The following PTPRN2 variants were observed in gnomAD, a reference collection of about 807,000 sequenced individuals.
PTPRN2 encodes the protein protein tyrosine phosphatase receptor type N2.
Under a neutral mutation model 118.8 loss-of-function variants are expected in PTPRN2, and 74 were observed. The ratio of observed to expected loss-of-function variants is 0.62; its 90% confidence interval spans 0.52 to 0.76. PTPRN2 has a LOEUF of 0.76. PTPRN2 is among the 30% of genes least tolerant of loss of function. The probability of loss-of-function intolerance (pLI) is 0.00; values close to 1 mark genes in which losing one functional copy is unlikely to be tolerated. For missense variants in PTPRN2, 1,481 were observed against 1,394.4 expected (o/e 1.06, Z -0.99); for synonymous variants, 641 against 608.0 (o/e 1.05, Z -0.80).
intron 3 of PTPRN2, among the ~76,000 whole-genome samples, chr7:158,273,511 GACAGACATGGGAGGA>G (rs1798673783): frequency 7.5e-6 from 1 of 133,982 alleles, no homozygotes; most frequent in Non-Finnish European, 1.6e-5. Flanking sequence ...GGGAGCCGCA[GACAGACATGGGAGGA>G]GCCGCAGACA....
intron 13 of PTPRN2, among the ~76,000 whole-genome samples, chr7:157,657,424 T>C (rs1212440272): frequency 6.2e-5 from 4 of 64,226 alleles, no homozygotes; most frequent in East Asian, 5.4e-4. Context: ...TACACACACA[T>C]ACGCCACACA....
intron 2 of PTPRN2, among the ~76,000 whole-genome samples, chr7:158,381,971 G>A (rs1397917718): frequency 6.6e-6 from 1 of 152,058 alleles, no homozygotes; most frequent in Non-Finnish European, 1.5e-5. Context: ...CCTCCCACTG[G>A]GTCTCTCCCA....
At chr7:158,331,026 C>T (rs1175643267) in intron 2 of PTPRN2, among the ~76,000 whole-genome samples, 2 of 137,584 alleles carry the variant, frequency 1.5e-5, no homozygotes, top group East Asian at 2.3e-4. Flanking sequence ...CACATCCACA[C>T]TCTCACCATA....
At position 158,410,456 on chromosome 7, in the gene PTPRN2, C is replaced by A. The variant is rs567534416; in HGVS notation, c.163+79279G>T. On this transcript the variant is annotated intron_variant, in intron 2 of 22. Transcript: ENST00000389418. ...GACAGAGTAGACACCTGTGAGCCCACTTCCAGCTCCAGTTAAGGTTTCCTC... is the reference window on the plus strand; with the variant it reads ...GACAGAGTAGACACCTGTGAGCCCAATTCCAGCTCCAGTTAAGGTTTCCTC... Among the ~76,000 whole-genome samples the A allele has an allele frequency of 2.6e-5, 4 of 152,276 alleles. 1 individual carries two copies. Among genetic ancestry groups the A allele is most frequent in the African/African-American group, 9.6e-5 (4 of 41,562 alleles).
chr7:157,615,190 C>T lies in PTPRN2; in HGVS notation c.2344+6172G>A, dbSNP rs775944287. Among the ~76,000 whole-genome samples the T allele has an allele frequency of 2.0e-5, 3 of 152,218 alleles. No homozygotes were observed. The highest frequency in any genetic ancestry group is 4.4e-5 in the Non-Finnish European group (3 of 68,036). On this transcript the variant is annotated intron_variant, in intron 15 of 22. Coordinates refer to ENST00000389418, the MANE Select transcript of PTPRN2 (RefSeq NM_002847.5). This position sits in a 1 kb window ranked among gnomAD's most constrained non-coding sequence, Gnocchi z 4.3. Reference sequence around the variant, plus strand: ...GGTGGTGGGTGTGCAGGCGATGCCACGCTACCCCTTCCACTTGAGTGTTTA... The same window carrying T: ...GGTGGTGGGTGTGCAGGCGATGCCATGCTACCCCTTCCACTTGAGTGTTTA...
chr7:158,336,451 T>G (rs1424403203), intron 2 of PTPRN2, among the ~76,000 whole-genome samples: 1 of 15,680 alleles, frequency 6.4e-5, no homozygotes, highest in South Asian at 3.3e-3. Context: ...CACCCACACA[T>G]GTCACTCACA....
intron 12 of PTPRN2, among the ~76,000 whole-genome samples, chr7:157,862,066 G>C (rs962148031): frequency 7.0e-6 from 1 of 142,918 alleles, no homozygotes. Flanking sequence ...CTGCTGCTTC[G>C]AGGACTCTGT....
Position 157,585,655 on chromosome 7 carries a change from T to C in PTPRN2, c.2497-7515A>G, listed in dbSNP as rs1210250795. On this transcript the variant is annotated intron_variant, in intron 17 of 22. Transcript: ENST00000389418. This position sits in a 1 kb window ranked among gnomAD's most constrained non-coding sequence, Gnocchi z 5.2. The stretch of plus-strand genomic sequence containing the variant: ...TGCGCCTGGTCTCCTTGCGGGGAGC[T>C]GCTGCACTGGGCGGCCTTTCCTTTT... 6.6e-6 allele frequency among the ~76,000 whole-genome samples: 1 copy of C among 152,180 alleles called. No individual in the cohort carries two copies. Among genetic ancestry groups the C allele is most frequent in the Non-Finnish European group, 1.5e-5 (1 of 68,032 alleles).
chr7:157,976,311 G>C (rs1174167343), intron 11 of PTPRN2, among the ~76,000 whole-genome samples: 3 of 152,200 alleles, frequency 2.0e-5, no homozygotes, highest in Non-Finnish European at 4.4e-5. Context: ...CAGCAGAGTT[G>C]AGACCCAGCG....
chr7:158,362,134 G>T (rs1809031698), intron 2 of PTPRN2, among the ~76,000 whole-genome samples: 1 of 152,176 alleles, frequency 6.6e-6, no homozygotes, highest in African/African-American at 2.4e-5. Context: ...ATGCAGAGAA[G>T]CCACAGCTGC....
At chr7:157,792,826 C>T (rs575019926) in intron 12 of PTPRN2, among the ~76,000 whole-genome samples, 9 of 152,266 alleles carry the variant, frequency 5.9e-5, no homozygotes, top group African/African-American at 1.7e-4. Flanking sequence ...ATGAGCTGTA[C>T]GTTCTACAGC....
intron 1 of PTPRN2, among the ~76,000 whole-genome samples, chr7:158,567,306 GT>G (rs1827723631): frequency 6.6e-6 from 1 of 152,216 alleles, no homozygotes; most frequent in African/African-American, 2.4e-5. Context: ...TTATCCCAGC[GT>G]TTGCTGGGCT....
intron 6 of PTPRN2, among the ~76,000 whole-genome samples, chr7:158,150,700 G>C (rs774108417): frequency 1.3e-5 from 2 of 152,036 alleles, no homozygotes; most frequent in African/African-American, 4.8e-5. Context: ...TCATGCAGAG[G>C]GAAGAATGTG....
chr7:158,323,177 C>A (rs1396605883), intron 2 of PTPRN2, among the ~76,000 whole-genome samples: 1 of 152,234 alleles, frequency 6.6e-6, no homozygotes, highest in African/African-American at 2.4e-5. Flanking sequence ...TGGAAGGCGT[C>A]CCCCGACAAG....
intron 5 of PTPRN2, among the ~76,000 whole-genome samples, chr7:158,186,520 T>C (rs971245076): frequency 3.9e-5 from 6 of 152,126 alleles, no homozygotes; most frequent in Non-Finnish European, 8.8e-5. Flanking sequence ...CTACCCCCTC[T>C]GGCATGAGTA....
chr7:158,113,285 T>C (rs1307723957), intron 9 of PTPRN2, among the ~76,000 whole-genome samples: 2 of 151,836 alleles, frequency 1.3e-5, no homozygotes, highest in Admixed American at 6.6e-5. Flanking sequence ...CTGTTCAGCA[T>C]TGGAGGGATG....
At chr7:158,206,670 T>G (rs1348450318) in intron 3 of PTPRN2, among the ~76,000 whole-genome samples, 2 of 152,108 alleles carry the variant, frequency 1.3e-5, no homozygotes, top group Non-Finnish European at 2.9e-5. Flanking sequence ...TATCCAAGAC[T>G]GCCAAGGTGA....
At chr7:158,092,095 G>A (rs1302210272) in intron 10 of PTPRN2, among the ~76,000 whole-genome samples, 2 of 146,944 alleles carry the variant, frequency 1.4e-5, no homozygotes, top group Non-Finnish European at 1.5e-5. Flanking sequence ...GATGGGTGAG[G>A]GATAGGTGAT....
intron 6 of PTPRN2, among the ~76,000 whole-genome samples, chr7:158,147,960 C>A (rs868662302): frequency 0.039 from 2,570 of 65,360 alleles, no homozygotes; most frequent in Middle Eastern, 0.078. Context: ...CCATCTCACG[C>A]CAGGTGTCTT....
Sources: allele counts gnomAD v4.1 joint callset (sites outside exome capture counted in the v4.1 genomes callset), GRCh38; gene constraint gnomAD v4.1.1; non-coding constraint Gnocchi (gnomAD v3.1); transcripts MANE v1.5; gene names NCBI Gene and HGNC (gene_info 2026-07-23, HGNC 2026-07-21).